Variants in GSK3B observed in about 807,000 individuals in gnomAD.
GSK3B encodes the protein glycogen synthase kinase-3 beta.
In GSK3B, 15 loss-of-function variants were observed where a neutral mutation model predicts 56.4. That is an observed-to-expected ratio of 0.27 (90% CI 0.18 to 0.41). The LOEUF (loss-of-function observed/expected upper bound fraction) is 0.41. Among genes scored for constraint, GSK3B ranks in the 10% least tolerant of loss-of-function variants. The probability of loss-of-function intolerance (pLI) is 1.00; values close to 1 mark genes in which losing one functional copy is unlikely to be tolerated. For missense variants in GSK3B, 300 were observed against 513.4 expected (o/e 0.58, Z 4.02); for synonymous variants, 181 against 188.9 (o/e 0.96, Z 0.34).
chr3:119,926,677 GCTTA>G (rs1391304539), intron 3 of GSK3B, among the ~76,000 whole-genome samples: 1 of 151,996 alleles, frequency 6.6e-6, no homozygotes, highest in Non-Finnish European at 1.5e-5. Flanking sequence ...TGTCCTCACT[GCTTA>G]CTTTTCTCTA....
intron 9 of GSK3B, among the ~76,000 whole-genome samples, chr3:119,847,345 T>G (rs2055869828): frequency 6.6e-6 from 1 of 152,104 alleles, no homozygotes; most frequent in Admixed American, 6.6e-5. Context: ...CCTGGCGTGG[T>G]GGCACACACC....
intron 1 of GSK3B, among the ~76,000 whole-genome samples, chr3:120,034,011 A>G (rs375270215): frequency 1.3e-5 from 2 of 152,220 alleles, no homozygotes; most frequent in East Asian, 1.9e-4. Context: ...ACCATTATGT[A>G]TATCTTCCTT....
intron 1 of GSK3B, among the ~76,000 whole-genome samples, chr3:120,045,226 T>C (rs1224460612): frequency 6.6e-6 from 1 of 152,180 alleles, no homozygotes; most frequent in Non-Finnish European, 1.5e-5. Context: ...TTATAAAAAT[T>C]AAAAGCAGGG....
chr3:119,927,790 T>C (rs1165857908), intron 3 of GSK3B, among the ~76,000 whole-genome samples: 2 of 151,324 alleles, frequency 1.3e-5, no homozygotes, highest in African/African-American at 4.9e-5. Context: ...AAGGACTGAG[T>C]ATGGAATCCT....
chr3:119,981,960 A>G (rs1286430374), intron 2 of GSK3B, among the ~76,000 whole-genome samples: 1 of 152,188 alleles, frequency 6.6e-6, no homozygotes, highest in Non-Finnish European at 1.5e-5. Context: ...CAGACACCTC[A>G]TATAGGCAGC....
At chr3:119,921,909 G>A (rs1194844761) in intron 4 of GSK3B, among the ~76,000 whole-genome samples, 1 of 152,118 alleles carries the variant, frequency 6.6e-6, no homozygotes, top group Non-Finnish European at 1.5e-5. Context: ...AGTCCCAGCT[G>A]GTGGATCAAT....
At chr3:119,865,518 G>A (rs2056171152) in intron 8 of GSK3B, among the ~76,000 whole-genome samples, 2 of 124,810 alleles carry the variant, frequency 1.6e-5, no homozygotes, top group African/African-American at 6.2e-5. Flanking sequence ...CACCCAGGCT[G>A]GAATGCAGTG....
chr3:119,997,854 A>G (rs2057638448), intron 2 of GSK3B, among the ~76,000 whole-genome samples: 1 of 152,212 alleles, frequency 6.6e-6, no homozygotes, highest in African/African-American at 2.4e-5. Context: ...AAAAGGATAA[A>G]CTTTATAAAA....
chr3:119,959,506 CTTTTTTTTTT>C (rs34702117), intron 2 of GSK3B, among the ~76,000 whole-genome samples: 8 of 89,186 alleles, frequency 9.0e-5, no homozygotes, highest in African/African-American at 3.0e-4. Flanking sequence ...TTCTCTCTGA[CTTTTTTTTTT>C]TTTTTTTTTT....
chr3:119,908,858 T>C (rs2056708348), intron 6 of GSK3B, among the ~76,000 whole-genome samples: 2 of 152,246 alleles, frequency 1.3e-5, no homozygotes, highest in African/African-American at 4.8e-5. Flanking sequence ...GTAAAACTGC[T>C]GGCCTCTTGG....
At chr3:120,054,135 T>A (rs1387396813) in intron 1 of GSK3B, among the ~76,000 whole-genome samples, 1 of 152,142 alleles carries the variant, frequency 6.6e-6, no homozygotes, top group Non-Finnish European at 1.5e-5. Flanking sequence ...TTAGAACAAT[T>A]TTTACAAAAA....
rs143081332 is a variant in GSK3B, at chr3:119,989,471, C to T, written c.282+12575G>A. On this transcript the variant is annotated intron_variant, in intron 2 of 10. Coordinates refer to ENST00000264235, the MANE Select transcript of GSK3B (RefSeq NM_001146156.2). ...CACCCTGACCAACAAGGTGAAACCC[C>T]ATCTCTACTTAAAAAATACAAAAAT... 3.8e-3 allele frequency among the ~76,000 whole-genome samples: 582 copies of T among 152,004 alleles called. 10 individuals are homozygous for T. Among genetic ancestry groups the T allele is most frequent in the South Asian group, 0.036 (171 of 4,808 alleles).
At chr3:119,959,774 C>T (rs1039772410) in intron 2 of GSK3B, among the ~76,000 whole-genome samples, 1 of 151,916 alleles carries the variant, frequency 6.6e-6, no homozygotes, top group South Asian at 2.1e-4. Context: ...ACCTCAGCCT[C>T]CCTAAGTGCT....
chr3:120,089,106 G>C (rs1222387773), intron 1 of GSK3B, among the ~76,000 whole-genome samples: 1 of 152,174 alleles, frequency 6.6e-6, no homozygotes, highest in East Asian at 1.9e-4. Flanking sequence ...AAGCGTGCAA[G>C]TACTGATTTT....
chr3:119,937,293 C>T (rs1032583194), intron 3 of GSK3B, among the ~76,000 whole-genome samples: 1 of 152,042 alleles, frequency 6.6e-6, no homozygotes, highest in Non-Finnish European at 1.5e-5. Context: ...TGGAATTGTG[C>T]CTTCCTCTTG....
intron 5 of GSK3B, among the ~76,000 whole-genome samples, 184 bp from the exon 6 acceptor site, chr3:119,912,994 C>T (rs72546697): frequency 2.6e-5 from 4 of 151,984 alleles, no homozygotes; most frequent in Non-Finnish European, 4.4e-5. Flanking sequence ...ATTTTATCAC[C>T]TTGCTCTGCA....
At chr3:120,084,082 T>C (rs1432849400) in intron 1 of GSK3B, among the ~76,000 whole-genome samples, 1 of 152,126 alleles carries the variant, frequency 6.6e-6, no homozygotes, top group African/African-American at 2.4e-5. Flanking sequence ...TATGAACACC[T>C]GAGTAATGAA....
At chr3:119,997,294 A>G (rs1342985891) in intron 2 of GSK3B, among the ~76,000 whole-genome samples, 1 of 152,166 alleles carries the variant, frequency 6.6e-6, no homozygotes, top group Non-Finnish European at 1.5e-5. Context: ...ACATATTTAC[A>G]TGGAGGAAGA....
intron 9 of GSK3B, among the ~76,000 whole-genome samples, chr3:119,853,763 T>C (rs531246853): frequency 2.7e-4 from 41 of 152,344 alleles, no homozygotes; most frequent in African/African-American, 8.4e-4. Context: ...ATTTTTGACA[T>C]TGATTTTGTA....
Sources: gnomAD v4.1 joint callset for allele counts (sites outside exome capture counted in the v4.1 genomes callset) on GRCh38, gnomAD v4.1.1 for gene constraint, MANE v1.5 for transcripts, NCBI Gene and HGNC (gene_info 2026-07-23, HGNC 2026-07-21) for gene names.